The following CCDC192 variants were observed in gnomAD, a reference collection of about 807,000 sequenced individuals.
The protein encoded by CCDC192 is coiled-coil domain containing 192.
intron 5 of CCDC192, among the ~76,000 whole-genome samples, chr5:127,835,965 T>C (rs1370086002): frequency 6.6e-6 from 1 of 152,108 alleles, no homozygotes; most frequent in Non-Finnish European, 1.5e-5. Flanking sequence ...CAACAGTCCC[T>C]CAAAGTCTTA....
At chr5:127,918,857 A>G (rs1753606361) in intron 6 of CCDC192, among the ~76,000 whole-genome samples, 1 of 151,270 alleles carries the variant, frequency 6.6e-6, no homozygotes, top group South Asian at 2.1e-4. Flanking sequence ...ATGTATGTGC[A>G]TGTGTGTATA....
At chr5:127,729,935 C>G (rs186145522) in intron 2 of CCDC192, among the ~76,000 whole-genome samples, 1 of 151,920 alleles carries the variant, frequency 6.6e-6, no homozygotes. Context: ...GATCTCAAAT[C>G]GACATCGTAA....
chr5:127,704,968 A>G (rs1194669644), intron 1 of CCDC192, among the ~76,000 whole-genome samples: 1 of 152,172 alleles, frequency 6.6e-6, no homozygotes, highest in Non-Finnish European at 1.5e-5. Context: ...AAGCGGAAAG[A>G]CATTTCATTT....
intron 6 of CCDC192, among the ~76,000 whole-genome samples, chr5:127,887,527 G>T (rs916318509): frequency 8.6e-5 from 13 of 151,926 alleles, no homozygotes; most frequent in Admixed American, 2.6e-4. Context: ...CAATTTTGAT[G>T]GCTCTTCAGA....
Position 127,871,298 on chromosome 5 carries a change from G to C in CCDC192, c.412-4240G>C, listed in dbSNP as rs1751850637. 2.0e-5 allele frequency among the ~76,000 whole-genome samples: 3 copies of C among 152,184 alleles called. No homozygotes were observed. In the South Asian group the frequency reaches 6.2e-4, roughly 31 times the overall value. On this transcript the variant is annotated intron_variant, in intron 5 of 6. Coordinates refer to ENST00000514853, the MANE Select transcript of CCDC192 (RefSeq NM_001317938.2). ...GCAGAAAACTTAATTTCTAAAAAAA[G>C]AAGAAGAAATGAAACATCTTGCTTT...
chr5:127,769,417 G>A (rs1755422062), intron 3 of CCDC192, among the ~76,000 whole-genome samples: 1 of 149,002 alleles, frequency 6.7e-6, no homozygotes, highest in Non-Finnish European at 1.5e-5. Context: ...GTGTGTATGT[G>A]TGTGTGTGTG....
chr5:127,722,429 T>C (rs1752079307), intron 2 of CCDC192, among the ~76,000 whole-genome samples: 1 of 152,188 alleles, frequency 6.6e-6, no homozygotes, highest in African/African-American at 2.4e-5. Context: ...CTTTGTTGAT[T>C]ATTTCCTTTG....
At chr5:127,903,397 C>T (rs1753105156) in intron 6 of CCDC192, among the ~76,000 whole-genome samples, 3 of 152,116 alleles carry the variant, frequency 2.0e-5, no homozygotes, top group African/African-American at 4.8e-5. Flanking sequence ...CAACCGGCAC[C>T]ACACCCAGCT....
intron 3 of CCDC192, among the ~76,000 whole-genome samples, chr5:127,776,176 G>C (rs1403707426): frequency 3.3e-5 from 5 of 152,226 alleles, no homozygotes; most frequent in African/African-American, 7.2e-5. Context: ...ACTTCCTAGA[G>C]ACTTGTTGAA....
chr5:127,850,665 G>A (rs1047762447), intron 5 of CCDC192, among the ~76,000 whole-genome samples: 3 of 152,022 alleles, frequency 2.0e-5, no homozygotes, highest in Non-Finnish European at 4.4e-5. Context: ...AGCAAATTTC[G>A]GTTTCCAAAG....
At chr5:127,785,145 A>G (rs914499320) in intron 3 of CCDC192, 1 of 525,488 alleles carries the variant, frequency 1.9e-6, no homozygotes, top group South Asian at 1.4e-5. Flanking sequence ...CCTGCAAAGT[A>G]TATCTGTTTG....
chr5:127,765,903 G>A (rs1401710932), intron 3 of CCDC192, among the ~76,000 whole-genome samples: 7 of 152,126 alleles, frequency 4.6e-5, no homozygotes, highest in East Asian at 1.9e-4. Flanking sequence ...GAGACTCTTC[G>A]TTTTCTTCCT....
chr5:127,812,623 C>T (rs1331884799), intron 5 of CCDC192, among the ~76,000 whole-genome samples: 10 of 152,152 alleles, frequency 6.6e-5, no homozygotes, highest in Non-Finnish European at 1.5e-5. Flanking sequence ...ATACATGTCC[C>T]TGTTGAGCCC....
At chr5:127,924,978 AATT>A (rs1435773633) in intron 6 of CCDC192, among the ~76,000 whole-genome samples, 1 of 152,212 alleles carries the variant, frequency 6.6e-6, no homozygotes, top group Non-Finnish European at 1.5e-5. Flanking sequence ...CATCTCTAAA[AATT>A]ATATTATTTT....
chr5:127,826,761 C>A (rs1749551623), intron 5 of CCDC192, among the ~76,000 whole-genome samples: 1 of 150,950 alleles, frequency 6.6e-6, no homozygotes, highest in Non-Finnish European at 1.5e-5. Flanking sequence ...CAAACCTGCA[C>A]ATGTACCCCC....
At chr5:127,918,481 C>T (rs1382615822) in intron 6 of CCDC192, among the ~76,000 whole-genome samples, 1 of 151,912 alleles carries the variant, frequency 6.6e-6, no homozygotes, top group Admixed American at 6.6e-5. Context: ...TTGTTTTATC[C>T]CCAAGGCCTA....
chr5:127,817,118 G>A (rs546527849), intron 5 of CCDC192, among the ~76,000 whole-genome samples: 21 of 152,092 alleles, frequency 1.4e-4, no homozygotes, highest in Non-Finnish European at 2.5e-4. Context: ...ACCTATTACC[G>A]GGTGCAATGT....
chr5:127,901,617 T>C (rs781190902), intron 6 of CCDC192, among the ~76,000 whole-genome samples: 3 of 152,206 alleles, frequency 2.0e-5, no homozygotes, highest in Non-Finnish European at 4.4e-5. Context: ...TGTACTCGCT[T>C]CAGGGAAAGC....
chr5:127,822,466 A>G (rs1397995325), intron 5 of CCDC192, among the ~76,000 whole-genome samples: 4 of 152,242 alleles, frequency 2.6e-5, no homozygotes, highest in Non-Finnish European at 5.9e-5. Flanking sequence ...TGGGGTTAAA[A>G]AAAAGACAAT....
Sources: gnomAD v4.1 joint callset for allele counts (sites outside exome capture counted in the v4.1 genomes callset) on GRCh38, gnomAD v4.1.1 for gene constraint, MANE v1.5 for transcripts, NCBI Gene and HGNC (gene_info 2026-07-23, HGNC 2026-07-21) for gene names.